SLC2A7: variants seen among roughly 807,000 people sequenced by gnomAD.
The protein encoded by SLC2A7 is solute carrier family 2, facilitated glucose transporter member 7.
In SLC2A7, 50 loss-of-function variants were observed where a neutral mutation model predicts 50.5. The observed-to-expected ratio is 0.99, with a 90% CI of 0.79 to 1.25. The LOEUF is 1.25. SLC2A7 is among the 50% of genes most tolerant of loss of function. The probability of loss-of-function intolerance (pLI) is 0.00; values close to 1 mark genes in which losing one functional copy is unlikely to be tolerated. For missense variants in SLC2A7, 683 were observed against 679.1 expected, an observed-to-expected ratio of 1.01 and a Z score of -0.06; for synonymous variants, 308 against 300.4, an observed-to-expected ratio of 1.03 and a Z score of -0.26.
At chr1:8,995,726 A>G in the SLC2A7 span, among the ~76,000 whole-genome samples, 1 of 152,146 alleles carries the variant, frequency 6.6e-6, no homozygotes, top group Non-Finnish European at 1.5e-5. Flanking sequence ...GCATGGGCAA[A>G]AAGAGTGAAA....
At chr1:9,016,136 C>T (rs181070301) in intron 5 of SLC2A7, among the ~76,000 whole-genome samples, 3 of 152,164 alleles carry the variant, frequency 2.0e-5, no homozygotes, top group Non-Finnish European at 4.4e-5. Context: ...CTCTAATTGA[C>T]GATTTAATAC....
downstream of SLC2A7, among the ~76,000 whole-genome samples, chr1:9,000,201 A>G (rs1557643942): frequency 6.6e-6 from 1 of 152,108 alleles, no homozygotes; most frequent in Non-Finnish European, 1.5e-5. Context: ...TGACTCCTGT[A>G]ATCTTCAGTG....
chr1:8,995,008 T>C, the SLC2A7 span, among the ~76,000 whole-genome samples: 1 of 151,350 alleles, frequency 6.6e-6, no homozygotes, highest in Non-Finnish European at 1.5e-5. Context: ...TGACCTCAGG[T>C]GATTCACCTG....
rs1640782227 is a variant in SLC2A7 at position 9,013,595 on chromosome 1, A to T, written c.944T>A (p.Val315Glu). The part of the protein sequence containing the change: ...YADTIYTSAG[V>E]EAAHSQYVTV... The stretch of plus-strand genomic sequence containing the variant: ...TACATATTGGGAGTGAGCGGCCTCC[A>T]CGCCCGCAGATGTGTAGATGGTGTC... The change falls in exon 8 of 12, where the codon GTG (valine) becomes GAG (glutamate). Residue 315 changes from valine to glutamate, a missense_variant. Coordinates refer to ENST00000400906, the MANE Select transcript of SLC2A7 (RefSeq NM_207420.3). 1.2e-6 allele frequency: 2 copies of T among 1,614,128 alleles called. No individual in the cohort carries two copies. Among genetic ancestry groups the T allele is most frequent in the African/African-American group, 1.3e-5 (1 of 75,048 alleles).
intron 9 of SLC2A7, among the ~76,000 whole-genome samples, chr1:9,009,153 C>T (rs1640703664): frequency 6.6e-6 from 1 of 152,212 alleles, no homozygotes; most frequent in African/African-American, 2.4e-5. Flanking sequence ...CTCTACATGA[C>T]AGAATGAGCT....
Position 9,003,226 on chromosome 1 carries a change from G to C in SLC2A7, c.*74C>G. On this transcript the variant is annotated 3_prime_UTR_variant, in exon 12 of 12. Transcript: ENST00000400906. ...AGCCTCCGTGCTATTATCCTCCCCA[G>C]AGCCTGGGGCCGGGAGGCCCATTGT... The C allele has an allele frequency of 2.8e-6, 4 of 1,423,928 alleles. No individual in the cohort carries two copies. Among genetic ancestry groups the C allele is most frequent in the Non-Finnish European group, 3.9e-6 (4 of 1,029,124 alleles). The allele number at this position is 1,423,928 out of a possible 1,614,324, so 88.2% of individuals were successfully genotyped here.
the SLC2A7 span, among the ~76,000 whole-genome samples, chr1:8,993,258 T>C: frequency 1.3e-5 from 2 of 152,172 alleles, no homozygotes; most frequent in African/African-American, 4.8e-5. Context: ...AGGAAAGACC[T>C]GCCTCCATGA....
At chr1:9,005,000 G>A (rs1640634783) in intron 10 of SLC2A7, 121 bp from the exon 11 acceptor site, 2 of 1,161,432 alleles carry the variant, frequency 1.7e-6, no homozygotes, top group Admixed American at 5.5e-5. Context: ...TGGGATTGGG[G>A]ACTGGAAAGG....
rs765423443 is a variant in SLC2A7 at position 9,007,379 on chromosome 1, C to G, written c.1123G>C (p.Val375Leu). Residue 375 changes from valine (V) to leucine (L), a missense_variant, in exon 10 of 12, where the codon GTC (valine) becomes CTC (leucine). By Grantham distance (32) the Val-to-Leu change is conservative. Coordinates refer to ENST00000400906, the MANE Select transcript of SLC2A7 (RefSeq NM_207420.3). Reference protein sequence around the residue: ...LTVVLLFQNRVPELSYLGIIC... With the variant: ...LTVVLLFQNRLPELSYLGIIC... Reference sequence around the variant, plus strand: ...ATGCCGAGGTAGGACAGCTCGGGGACCCTGTTCTGTGGGGAGAGGCAGGGC... The same window carrying G: ...ATGCCGAGGTAGGACAGCTCGGGGAGCCTGTTCTGTGGGGAGAGGCAGGGC... 1.2e-6 allele frequency: 2 copies of G among 1,614,010 alleles called. No homozygotes were observed. Among genetic ancestry groups the G allele is most frequent in the South Asian group, 1.1e-5 (1 of 91,094 alleles).
chr1:9,001,606 C>T (rs7548439), downstream of SLC2A7, among the ~76,000 whole-genome samples: 31,915 of 151,714 alleles, frequency 0.21, 3,827 homozygotes, highest in Non-Finnish European at 0.27. Flanking sequence ...TCAGTAGAGA[C>T]GGGGTTTCAT....
intron 10 of SLC2A7, among the ~76,000 whole-genome samples, chr1:9,005,374 G>C (rs549977776): frequency 3.3e-4 from 51 of 152,272 alleles, no homozygotes; most frequent in African/African-American, 1.2e-3. Context: ...GCTTCCTTAA[G>C]AAGCCTTGTC....
chr1:9,015,355 A>T, intron 5 of SLC2A7, 113 bp from the exon 6 acceptor site: 1 of 1,346,324 alleles, frequency 7.4e-7, no homozygotes, highest in Non-Finnish European at 9.8e-7. Flanking sequence ...TGGGGACTTC[A>T]TTCTCACCAG....
At chr1:9,022,821 C>T in intron 3 of SLC2A7, 97 bp downstream of exon 3, 5 of 1,487,048 alleles carry the variant, frequency 3.4e-6, no homozygotes, top group South Asian at 2.6e-5. Context: ...TCCTGATTTT[C>T]AGGGTCACAC....
chr1:9,009,203 A>C (rs946991187), intron 9 of SLC2A7, among the ~76,000 whole-genome samples: 2 of 152,208 alleles, frequency 1.3e-5, no homozygotes, highest in Non-Finnish European at 2.9e-5. Context: ...TGCGTTGCTG[A>C]TATATTTTCC....
chr1:9,019,080 A>G, intron 4 of SLC2A7, 129 bp downstream of exon 4: 1 of 1,238,928 alleles, frequency 8.1e-7, no homozygotes, highest in Non-Finnish European at 1.1e-6. Flanking sequence ...GGGCCTGGGG[A>G]TGCAGATGGG....
At chr1:8,999,449 GC>G (rs1279556927), downstream of SLC2A7, among the ~76,000 whole-genome samples, 1 of 152,188 alleles carries the variant, frequency 6.6e-6, no homozygotes, top group Non-Finnish European at 1.5e-5. Flanking sequence ...CTGGGCAGAA[GC>G]CAGTTAGCTT....
At chr1:9,005,270 C>T (rs574733980) in intron 10 of SLC2A7, among the ~76,000 whole-genome samples, 240 of 152,282 alleles carry the variant, frequency 1.6e-3, no homozygotes, top group Non-Finnish European at 2.7e-3. Flanking sequence ...GACTTGAGAC[C>T]GCCCGCGCTT....
In SLC2A7 at chr1:9,010,707, C is replaced by T. The variant is rs1357619423; in HGVS notation, c.1015-463G>A. ...TGCTGCCTGCATGTGGGATGCAGGCCGCTGATTTGACATGGGTCAGACATT... is the reference window on the plus strand; with the variant it reads ...TGCTGCCTGCATGTGGGATGCAGGCTGCTGATTTGACATGGGTCAGACATT... On this transcript the variant is annotated intron_variant, in intron 8 of 11. Coordinates refer to ENST00000400906, the MANE Select transcript of SLC2A7 (RefSeq NM_207420.3). Among the ~76,000 whole-genome samples, 8 of 152,280 alleles carry T rather than the reference C, an allele frequency of 5.3e-5. 1 individual carries two copies. Among genetic ancestry groups the T allele is most frequent in the South Asian group, 4.1e-4 (2 of 4,820 alleles).
intron 8 of SLC2A7, among the ~76,000 whole-genome samples, chr1:9,011,177 C>T (rs1010863396): frequency 6.6e-6 from 1 of 152,252 alleles, no homozygotes. Context: ...AAAGGTTCAT[C>T]CTCACACTTC....
Sources: gnomAD v4.1 joint callset for allele counts (sites outside exome capture counted in the v4.1 genomes callset) on GRCh38, gnomAD v4.1.1 for gene constraint, MANE v1.5 for transcripts, NCBI Gene and HGNC (gene_info 2026-07-23, HGNC 2026-07-21) for gene names.